The following C3orf20 variants were observed in gnomAD, a reference collection of about 807,000 sequenced individuals.
C3orf20 encodes the protein family with sequence similarity 149 member C.
A neutral mutation model predicts 88.3 loss-of-function variants in C3orf20; 76 were observed. That is an observed-to-expected ratio of 0.86 (90% CI 0.72 to 1.04). The LOEUF (loss-of-function observed/expected upper bound fraction) is 1.04, where lower values mean the gene tolerates loss of function less well. Among genes scored for constraint, C3orf20 ranks in the 50% least tolerant of loss-of-function variants. The pLI, the probability that C3orf20 is intolerant of heterozygous loss-of-function variation, is 0.00. For missense variants in C3orf20, 1,056 were observed against 1,123.3 expected, an observed-to-expected ratio of 0.94 and a Z score of 0.86; for synonymous variants, 436 against 437.4, an observed-to-expected ratio of 1.00 and a Z score of 0.04.
At chr3:14,767,894 T>A (rs1044735920) in intron 15 of C3orf20, among the ~76,000 whole-genome samples, 1 of 152,180 alleles carries the variant, frequency 6.6e-6, no homozygotes, top group Non-Finnish European at 1.5e-5. Flanking sequence ...TTCAAAGCAG[T>A]TTGTAAACCA....
chr3:14,722,383 C>T (rs1225390186), intron 10 of C3orf20: 2 of 435,716 alleles, frequency 4.6e-6, no homozygotes, highest in Admixed American at 2.4e-5. Flanking sequence ...GCTTGAGGCT[C>T]ATGTCCATCC....
At chr3:14,732,822 T>C (rs1436068146) in intron 12 of C3orf20, among the ~76,000 whole-genome samples, 1 of 152,110 alleles carries the variant, frequency 6.6e-6, no homozygotes, top group Non-Finnish European at 1.5e-5. Context: ...AAAAGCTTAT[T>C]ATAGTTTATG....
chr3:14,739,350 G>T (rs1454541008), intron 12 of C3orf20, among the ~76,000 whole-genome samples: 2 of 152,182 alleles, frequency 1.3e-5, no homozygotes, highest in African/African-American at 2.4e-5. Context: ...TCAATGAGCA[G>T]TATTATTTTG....
intron 7 of C3orf20, among the ~76,000 whole-genome samples, chr3:14,713,185 A>G (rs1013156209): frequency 6.6e-6 from 1 of 152,112 alleles, no homozygotes. Context: ...GAACATGTAT[A>G]TTATTGTCTT....
intron 12 of C3orf20, among the ~76,000 whole-genome samples, chr3:14,753,864 C>CAAAACA (rs919202447): frequency 1.3e-5 from 2 of 151,994 alleles, no homozygotes; most frequent in South Asian, 2.1e-4. Context: ...TATCTGGAGC[C>CAAAACA]AAAACAAAAA....
At chr3:14,745,049 T>A (rs562904389) in intron 12 of C3orf20, among the ~76,000 whole-genome samples, 36 of 152,254 alleles carry the variant, frequency 2.4e-4, no homozygotes, top group Non-Finnish European at 4.3e-4. Flanking sequence ...TGTGTTAATG[T>A]TTCCAGATAT....
intron 11 of C3orf20, 22 bp from the exon 12 acceptor site, chr3:14,728,417 C>T: frequency 1.9e-6 from 3 of 1,612,808 alleles, no homozygotes; most frequent in Non-Finnish European, 2.5e-6. Flanking sequence ...GGGAAAATGA[C>T]AGCAGCATCT....
At chr3:14,725,466 G>A (rs995900271) in intron 10 of C3orf20, among the ~76,000 whole-genome samples, 2 of 152,156 alleles carry the variant, frequency 1.3e-5, no homozygotes, top group Non-Finnish European at 2.9e-5. Flanking sequence ...TTCCATCAAG[G>A]CAGCTCTTGG....
In C3orf20 at chr3:14,721,742, G is replaced by A; in HGVS notation, c.1524G>A (p.Val508=). ...TSLNETVTLT[V]SANNCPHGMA... ...TGAATGAGACAGTAACACTCACTGT[G>A]TCGGCCAACAATTGTCCCCATGGAA... Residue 508 remains valine, a synonymous_variant, in exon 10 of 17, where the codon GTG becomes GTA. Coordinates refer to ENST00000253697, the MANE Select transcript of C3orf20 (RefSeq NM_032137.5). 1.2e-6 allele frequency: 2 copies of A among 1,614,160 alleles called. No homozygotes were observed. Among genetic ancestry groups the A allele is most frequent in the African/African-American group, 1.3e-5 (1 of 75,022 alleles).
At chr3:14,745,901 TCA>T (rs1423656802) in intron 12 of C3orf20, among the ~76,000 whole-genome samples, 3 of 152,226 alleles carry the variant, frequency 2.0e-5, no homozygotes, top group African/African-American at 7.2e-5. Context: ...TTTAATATAC[TCA>T]CAGCATCATA....
intron 12 of C3orf20, among the ~76,000 whole-genome samples, chr3:14,744,929 A>G (rs2035018099): frequency 1.3e-5 from 2 of 152,230 alleles, no homozygotes; most frequent in Non-Finnish European, 2.9e-5. Flanking sequence ...CATTGGTGTA[A>G]TAATTCCTTC....
intron 10 of C3orf20, 181 bp downstream of exon 10, chr3:14,721,965 A>G: frequency 5.8e-6 from 4 of 684,028 alleles, no homozygotes; most frequent in Non-Finnish European, 9.7e-6. Flanking sequence ...AACTTCTTAT[A>G]TCAATTAAGG....
At chr3:14,746,319 T>C (rs576792676) in intron 12 of C3orf20, among the ~76,000 whole-genome samples, 1 of 152,306 alleles carries the variant, frequency 6.6e-6, no homozygotes, top group Non-Finnish European at 1.5e-5. Context: ...GTGATAGCAG[T>C]AGGTAAAACT....
intron 12 of C3orf20, among the ~76,000 whole-genome samples, chr3:14,755,226 A>G (rs1305746970): frequency 1.3e-5 from 2 of 151,496 alleles, no homozygotes; most frequent in African/African-American, 4.9e-5. Flanking sequence ...TTTGGTTATG[A>G]TAGTTTTGGT....
chr3:14,714,905 ATTTGCCTGGC>A (rs1277248456), intron 8 of C3orf20, among the ~76,000 whole-genome samples: 1 of 152,140 alleles, frequency 6.6e-6, no homozygotes, highest in African/African-American at 2.4e-5. Context: ...CCATGTCTGG[ATTTGCCTGGC>A]TTTGCCTGGC....
chr3:14,690,815 C>A (rs980416248), intron 5 of C3orf20, among the ~76,000 whole-genome samples: 3 of 152,190 alleles, frequency 2.0e-5, no homozygotes, highest in Admixed American at 2.0e-4. Context: ...GAGAGGACCA[C>A]GTTCCTGAAG....
chr3:14,715,139 A>G, intron 8 of C3orf20, 150 bp from the exon 9 acceptor site: 1 of 934,794 alleles, frequency 1.1e-6, no homozygotes, highest in Non-Finnish European at 1.5e-6. Context: ...CTCAGACCAT[A>G]GCAAGTGGGG....
At chr3:14,709,269 C>G (rs2033646499) in intron 7 of C3orf20, among the ~76,000 whole-genome samples, 1 of 152,064 alleles carries the variant, frequency 6.6e-6, no homozygotes. Context: ...TGTGTGGACT[C>G]TTTAGAATTT....
chr3:14,684,121 CATACCCTAGGA>C, intron 3 of C3orf20, 110 bp from the exon 4 acceptor site: 1 of 1,351,898 alleles, frequency 7.4e-7, no homozygotes, highest in East Asian at 2.3e-5. Context: ...CTCACCCCTG[CATACCCTAGGA>C]ATAGCGCTCT....
Sources: allele counts gnomAD v4.1 joint callset (sites outside exome capture counted in the v4.1 genomes callset), GRCh38; gene constraint gnomAD v4.1.1; transcripts MANE v1.5; gene names NCBI Gene and HGNC (gene_info 2026-07-23, HGNC 2026-07-21).